Variants in WDR70 observed in about 807,000 individuals in gnomAD.
WDR70 encodes the protein WD repeat-containing protein 70.
WDR70 carries 53 observed loss-of-function variants against 88.6 expected under a neutral mutation model. That is an observed-to-expected ratio of 0.60 (90% CI 0.48 to 0.75). The LOEUF (loss-of-function observed/expected upper bound fraction) is 0.75, where lower values mean the gene tolerates loss of function less well. Among genes scored for constraint, WDR70 ranks in the 30% least tolerant of loss-of-function variants. WDR70 has a pLI of 0.00. For synonymous variants in WDR70, 280 were observed against 270.0 expected (o/e 1.04, Z -0.36); for missense variants, 610 against 823.2 (o/e 0.74, Z 3.17).
intron 9 of WDR70, among the ~76,000 whole-genome samples, chr5:37,559,690 C>A (rs975489278): frequency 6.6e-6 from 1 of 151,890 alleles, no homozygotes; most frequent in East Asian, 1.9e-4. Flanking sequence ...ACTAAAAATA[C>A]AAAAATTAGC....
intron 17 of WDR70, among the ~76,000 whole-genome samples, chr5:37,731,980 C>G (rs1041871237): frequency 1.3e-5 from 2 of 152,160 alleles, no homozygotes; most frequent in Admixed American, 1.3e-4. Context: ...ATTGTTCTGA[C>G]ATCTAATAAC....
rs544820817 is a variant in WDR70 at position 37,580,860 on chromosome 5, C to T, written c.918-24204C>T. Among the ~76,000 whole-genome samples the T allele has an allele frequency of 8.5e-5, 13 of 152,272 alleles. 1 individual carries two copies. In the South Asian group the frequency reaches 2.7e-3, roughly 32 times the overall value. ...TTGTTAATTTGATTGCTTGTTTTCACACACCTTACCTCATTCCAAAAATGA... is the reference window on the plus strand; with the variant it reads ...TTGTTAATTTGATTGCTTGTTTTCATACACCTTACCTCATTCCAAAAATGA... On this transcript the variant is annotated intron_variant, in intron 9 of 17. Transcript: ENST00000265107.
At chr5:37,463,128 C>A (rs1461589023) in intron 7 of WDR70, among the ~76,000 whole-genome samples, 1 of 152,022 alleles carries the variant, frequency 6.6e-6, no homozygotes, top group Admixed American at 6.6e-5. Flanking sequence ...AAAAATTAGC[C>A]CAGCATGGTG....
At chr5:37,416,238 C>G (rs975840971) in intron 5 of WDR70, among the ~76,000 whole-genome samples, 5 of 152,214 alleles carry the variant, frequency 3.3e-5, no homozygotes, top group East Asian at 1.9e-4. Flanking sequence ...ACTGAGTGAA[C>G]GAGACTCCGT....
intron 9 of WDR70, among the ~76,000 whole-genome samples, chr5:37,576,858 G>T (rs1007607265): frequency 2.0e-5 from 3 of 151,144 alleles, no homozygotes; most frequent in African/African-American, 7.3e-5. Context: ...GTAATAAAAA[G>T]ATCATTTTTA....
intron 5 of WDR70, among the ~76,000 whole-genome samples, chr5:37,406,808 A>G (rs1482010923): frequency 6.6e-6 from 1 of 152,238 alleles, no homozygotes. Flanking sequence ...CATCATACCA[A>G]CAGTCAGTGT....
chr5:37,747,062 CTT>C (rs1748656422), intron 17 of WDR70, among the ~76,000 whole-genome samples: 1 of 152,158 alleles, frequency 6.6e-6, no homozygotes. Context: ...CATCAAAAAA[CTT>C]AATCCATGTC....
intron 13 of WDR70, among the ~76,000 whole-genome samples, chr5:37,715,562 G>T (rs972211296): frequency 1.3e-5 from 2 of 152,180 alleles, no homozygotes; most frequent in Non-Finnish European, 2.9e-5. Flanking sequence ...TACTCACCAT[G>T]TTTGCTTCCT....
chr5:37,548,194 C>G (rs1028621735), intron 9 of WDR70, among the ~76,000 whole-genome samples: 10 of 152,132 alleles, frequency 6.6e-5, no homozygotes, highest in African/African-American at 2.4e-4. Flanking sequence ...TATGGTATCT[C>G]TATTTTAAGC....
intron 13 of WDR70, among the ~76,000 whole-genome samples, chr5:37,711,830 A>G (rs1316455814): frequency 2.0e-5 from 3 of 152,034 alleles, no homozygotes; most frequent in Non-Finnish European, 4.4e-5. Context: ...GTGAAAATGT[A>G]TTTATTAATT....
chr5:37,565,014 T>G (rs1742696593), intron 9 of WDR70, among the ~76,000 whole-genome samples: 1 of 152,196 alleles, frequency 6.6e-6, no homozygotes, highest in South Asian at 2.1e-4. Context: ...AAATACAAAA[T>G]AAGTTATTAC....
In WDR70 at chr5:37,724,980, G is replaced by A; in HGVS notation, c.1644G>A (p.Arg548=). The change falls in exon 16 of 18, where the codon AGG becomes AGA. Residue 548 remains arginine, a synonymous_variant. Transcript: ENST00000265107. The part of the protein sequence containing the change: ...MFREPRQRST[R]KQLEKDRLDP... ...GTGAGCCCCGCCAACGGAGTACAAG[G>A]AAACAGCTGGAGAAGGACAGACTGG... 6.2e-7 allele frequency: 1 copy of A among 1,613,704 alleles called. No individual in the cohort carries two copies. The highest frequency in any genetic ancestry group is 8.5e-7 in the Non-Finnish European group (1 of 1,179,728).
chr5:37,669,097 A>G (rs1745946164), intron 10 of WDR70, among the ~76,000 whole-genome samples: 1 of 152,214 alleles, frequency 6.6e-6, no homozygotes. Context: ...ATGAGGTCAT[A>G]CATGTTTTCC....
At position 37,748,332 on chromosome 5, in the gene WDR70, C is replaced by T. The variant is rs952302029; in HGVS notation, c.1878-4154C>T. 5.9e-5 allele frequency among the ~76,000 whole-genome samples: 9 copies of T among 152,054 alleles called. No individual in the cohort carries two copies. The East Asian group carries it at 9.6e-4, about 16-fold the overall frequency. On this transcript the variant is annotated intron_variant, in intron 17 of 17. Coordinates refer to ENST00000265107, the MANE Select transcript of WDR70 (RefSeq NM_018034.4). ...TACACATCTACAACCATCTGATCTT[C>T]GACAAACCTGACAAAGACAAGCAAT...
intron 5 of WDR70, among the ~76,000 whole-genome samples, chr5:37,426,350 G>GT (rs1750123402): frequency 1.3e-5 from 2 of 152,102 alleles, no homozygotes; most frequent in African/African-American, 4.8e-5. Flanking sequence ...TTCACAGTTT[G>GT]TTTTTTTGCC....
Position 37,452,630 on chromosome 5 carries a change from A to G in WDR70, c.686+9258A>G, listed in dbSNP as rs180757869. ...CCCAAGTGAGAATCCACACATGCCT[A>G]TAACTCAGCTAAATTCCCCCACATC... On this transcript the variant is annotated intron_variant, in intron 7 of 17. Coordinates refer to ENST00000265107, the MANE Select transcript of WDR70 (RefSeq NM_018034.4). Among the ~76,000 whole-genome samples the G allele has an allele frequency of 2.0e-4, 31 of 152,366 alleles. No homozygotes were observed. The East Asian group carries it at 2.5e-3, about 12-fold the overall frequency.
At chr5:37,710,383 C>T (rs1353274244) in intron 13 of WDR70, among the ~76,000 whole-genome samples, 1 of 152,116 alleles carries the variant, frequency 6.6e-6, no homozygotes, top group East Asian at 1.9e-4. Context: ...ACCCCCAACT[C>T]CTAAGCCCTG....
intron 10 of WDR70, among the ~76,000 whole-genome samples, chr5:37,630,975 G>GTAGGCATT (rs1744797681): frequency 6.6e-6 from 1 of 152,174 alleles, no homozygotes; most frequent in African/African-American, 2.4e-5. Flanking sequence ...TTGAAGGACT[G>GTAGGCATT]TAGGCATTTG....
chr5:37,388,214 G>C (rs1748687409), intron 3 of WDR70, among the ~76,000 whole-genome samples: 1 of 151,808 alleles, frequency 6.6e-6, no homozygotes, highest in Admixed American at 6.6e-5. Context: ...CCTCCTCCCA[G>C]GTTCAAGGAA....
Sources: gnomAD v4.1 joint callset for allele counts (sites outside exome capture counted in the v4.1 genomes callset) on GRCh38, gnomAD v4.1.1 for gene constraint, MANE v1.5 for transcripts, NCBI Gene and HGNC (gene_info 2026-07-23, HGNC 2026-07-21) for gene names.